Variants in PRICKLE1 observed in about 807,000 individuals in gnomAD.
PRICKLE1 encodes the protein prickle planar cell polarity protein 1.
In PRICKLE1, 14 loss-of-function variants were observed where a neutral mutation model predicts 70.2. The ratio of observed to expected loss-of-function variants is 0.20; its 90% CI spans 0.13 to 0.31. The LOEUF (loss-of-function observed/expected upper bound fraction) is 0.31, where lower values mean the gene tolerates loss of function less well. Ranked by LOEUF, PRICKLE1 falls within the 10% of genes least tolerant of loss-of-function variation. PRICKLE1 has a pLI of 1.00. For missense variants in PRICKLE1, 821 were observed against 1,026.2 expected (o/e 0.80, Z 2.73); for synonymous variants, 357 against 379.9 (o/e 0.94, Z 0.70).
chr12:42,484,455 T>C (rs929116988), intron 1 of PRICKLE1: 1 of 152,224 alleles, frequency 6.6e-6, no homozygotes, highest in Admixed American at 6.5e-5. Context: ...AACAATGATG[T>C]CAGCAAATGG....
chr12:42,585,943 C>T lies in PRICKLE1; in HGVS notation c.-49+3522G>A, dbSNP rs187221154. ...TTGGTCCTTGGAACGTGCTGTGGAG[C>T]GCTGGCTCCATAGGCTGCATGAGGT... On this transcript the variant is annotated intron_variant, in intron 1 of 7. Transcript: ENST00000345127. 6.1e-4 allele frequency among the ~76,000 whole-genome samples: 93 copies of T among 152,230 alleles called. 1 individual carries two copies. The highest frequency in any genetic ancestry group is 5.9e-5 in the Non-Finnish European group (4 of 68,008).
At chr12:42,462,922 A>G (rs1015774536) in intron 7 of PRICKLE1, among the ~76,000 whole-genome samples, 6 of 152,214 alleles carry the variant, frequency 3.9e-5, no homozygotes, top group African/African-American at 1.4e-4. Context: ...CCTTTTGGTA[A>G]TTCAAGTTTC....
chr12:42,539,877 C>T (rs943973981), intron 1 of PRICKLE1, among the ~76,000 whole-genome samples: 3 of 152,126 alleles, frequency 2.0e-5, no homozygotes, highest in East Asian at 3.9e-4. Context: ...TGATTTTGGA[C>T]TTCAGAGAAA....
chr12:42,565,583 C>T (rs1354836166), intron 1 of PRICKLE1, among the ~76,000 whole-genome samples: 1 of 152,194 alleles, frequency 6.6e-6, no homozygotes, highest in Admixed American at 6.5e-5. Flanking sequence ...GGAACTGTTT[C>T]TATGGGTTCA....
intron 1 of PRICKLE1, among the ~76,000 whole-genome samples, chr12:42,514,513 T>G (rs1939569957): frequency 6.6e-6 from 1 of 152,160 alleles, no homozygotes; most frequent in South Asian, 2.1e-4. Flanking sequence ...CACTAATGCA[T>G]GCAGACCAAC....
chr12:42,533,586 A>G (rs747025662), intron 1 of PRICKLE1, among the ~76,000 whole-genome samples: 3 of 152,170 alleles, frequency 2.0e-5, no homozygotes, highest in Non-Finnish European at 2.9e-5. Flanking sequence ...AACAGTCATA[A>G]ATGGTCATTA....
Position 42,472,551 on chromosome 12 carries a change from T to A in PRICKLE1, c.-35A>T, listed in dbSNP as rs1566087627. 6.2e-7 allele frequency: 1 copy of A among 1,613,876 alleles called. No homozygotes were observed. The highest frequency in any genetic ancestry group is 1.3e-5 in the African/African-American group (1 of 75,044). On this transcript the variant is annotated 5_prime_UTR_variant, in exon 2 of 8. An upstream start codon of the reference 5' UTR is lost. Transcript: ENST00000345127. The stretch of plus-strand genomic sequence containing the variant: ...AGCCTGGTTTCTCAGTCACAGGACA[T>A]CAAACAATGGCTGCTGTGAACAATA...
chr12:42,486,705 C>T (rs1938996828), intron 1 of PRICKLE1, among the ~76,000 whole-genome samples: 2 of 152,264 alleles, frequency 1.3e-5, no homozygotes, highest in African/African-American at 2.4e-5. Flanking sequence ...CTGCTCCTTG[C>T]CTTCATTTTT....
At chr12:42,461,807 A>T (rs1189066983) in intron 7 of PRICKLE1, among the ~76,000 whole-genome samples, 1 of 151,396 alleles carries the variant, frequency 6.6e-6, no homozygotes, top group Non-Finnish European at 1.5e-5. Context: ...CTTCGTACTT[A>T]TTTTTTTTTG....
At chr12:42,496,961 C>T (rs1453459939) in intron 1 of PRICKLE1, among the ~76,000 whole-genome samples, 1 of 151,932 alleles carries the variant, frequency 6.6e-6, no homozygotes, top group Non-Finnish European at 1.5e-5. Flanking sequence ...TAATTACCTT[C>T]AAGAACTATT....
chr12:42,563,496 G>A (rs7965297), intron 1 of PRICKLE1, among the ~76,000 whole-genome samples: 39,986 of 151,102 alleles, frequency 0.26, 7,588 homozygotes, highest in African/African-American at 0.54. Context: ...TCAGGAGATC[G>A]AGACCATCCT....
chr12:42,519,193 CT>C (rs11342397), intron 1 of PRICKLE1, among the ~76,000 whole-genome samples: 9,935 of 98,876 alleles, frequency 0.1, 390 homozygotes, highest in African/African-American at 0.21. Context: ...CCTTTTTTTC[CT>C]TTTTTTTTTT....
At position 42,589,597 on chromosome 12, in the gene PRICKLE1, C is replaced by T. The variant is rs117521428; in HGVS notation, c.-181G>A. On this transcript the variant is annotated 5_prime_UTR_variant, in exon 1 of 8. Coordinates refer to ENST00000345127, the MANE Select transcript of PRICKLE1 (RefSeq NM_153026.3). This position sits in a 1 kb window ranked among gnomAD's most constrained non-coding sequence, Gnocchi z 5.0. ...TGGGCGAGGGTGAGCAGCGCACGAACCATCCAGAGCCCAGAAAGTCTCCGT... is the reference window on the plus strand; with the variant it reads ...TGGGCGAGGGTGAGCAGCGCACGAATCATCCAGAGCCCAGAAAGTCTCCGT... 0.053 allele frequency: 8,111 copies of T among 152,776 alleles called. 322 individuals are homozygous for T. The highest frequency in any genetic ancestry group is 0.077 in the Non-Finnish European group (5,231 of 68,078). 9.5% of individuals were successfully genotyped at this position (152,776 alleles called of 1,614,324 possible).
chr12:42,506,018 A>C (rs1593144038), intron 1 of PRICKLE1, among the ~76,000 whole-genome samples: 1 of 152,174 alleles, frequency 6.6e-6, no homozygotes, highest in Admixed American at 6.5e-5. Flanking sequence ...AATAAGAACA[A>C]AAAGTTATTT....
intron 1 of PRICKLE1, among the ~76,000 whole-genome samples, chr12:42,502,268 T>C (rs1029278949): frequency 4.3e-5 from 6 of 140,884 alleles, no homozygotes; most frequent in African/African-American, 8.4e-5. Context: ...TATATATACC[T>C]ACATATATAT....
At chr12:42,547,720 G>C (rs1940238563) in intron 1 of PRICKLE1, among the ~76,000 whole-genome samples, 1 of 152,088 alleles carries the variant, frequency 6.6e-6, no homozygotes, top group Admixed American at 6.6e-5. Context: ...AAGGTTCTCG[G>C]ATTAACAATG....
At chr12:42,577,522 G>T (rs1307715689) in intron 1 of PRICKLE1, among the ~76,000 whole-genome samples, 2 of 152,048 alleles carry the variant, frequency 1.3e-5, no homozygotes, top group Non-Finnish European at 2.9e-5. Context: ...GGATTTGGGT[G>T]GTGAGAATGA....
intron 1 of PRICKLE1, among the ~76,000 whole-genome samples, chr12:42,527,804 G>A (rs974476928): frequency 6.6e-6 from 1 of 151,364 alleles, no homozygotes; most frequent in Non-Finnish European, 1.5e-5. Flanking sequence ...AATAAGACAT[G>A]ATCAAGAAGC....
At chr12:42,502,617 G>A (rs1796345) in intron 1 of PRICKLE1, among the ~76,000 whole-genome samples, 113,394 of 151,938 alleles carry the variant, frequency 0.75, 42,580 homozygotes, top group Admixed American at 0.81. Context: ...GGCTTGTGTG[G>A]TTTTTTAAAA....
Sources: gnomAD v4.1 joint callset for allele counts (sites outside exome capture counted in the v4.1 genomes callset) on GRCh38, gnomAD v4.1.1 for gene constraint, Gnocchi (gnomAD v3.1) non-coding constraint, MANE v1.5 for transcripts, NCBI Gene and HGNC (gene_info 2026-07-23, HGNC 2026-07-21) for gene names.